Variants in NXPH1 observed in about 807,000 individuals in gnomAD.
The protein encoded by NXPH1 is neurexophilin-1.
NXPH1 carries 5 observed loss-of-function variants against 23.7 expected under a neutral mutation model. The ratio of observed to expected loss-of-function variants is 0.21; its 90% CI spans 0.11 to 0.44. The LOEUF (loss-of-function observed/expected upper bound fraction) is 0.44. Among genes scored for constraint, NXPH1 ranks in the 20% least tolerant of loss-of-function variants. The pLI, the probability that NXPH1 is intolerant of heterozygous loss-of-function variation, is 0.99. For synonymous variants in NXPH1, 144 were observed against 122.2 expected (o/e 1.18, Z -1.18); for missense variants, 324 against 321.6 (o/e 1.01, Z -0.06).
chr7:8,529,721 G>T (rs1012502420), intron 2 of NXPH1, among the ~76,000 whole-genome samples: 1 of 152,136 alleles, frequency 6.6e-6, no homozygotes, highest in African/African-American at 2.4e-5. Context: ...TGCAGATTAA[G>T]TGAGCTAGGG....
intron 2 of NXPH1, among the ~76,000 whole-genome samples, chr7:8,644,475 C>G (rs938760002): frequency 2.0e-5 from 3 of 152,110 alleles, no homozygotes; most frequent in African/African-American, 7.2e-5. Flanking sequence ...TTGATCGTCT[C>G]TTTATTCTCT....
At chr7:8,616,716 A>G (rs189107570) in intron 2 of NXPH1, among the ~76,000 whole-genome samples, 10 of 152,064 alleles carry the variant, frequency 6.6e-5, no homozygotes, top group Non-Finnish European at 1.2e-4. Flanking sequence ...ACTAAAAAAA[A>G]GTGTGGAATA....
intron 2 of NXPH1, among the ~76,000 whole-genome samples, chr7:8,734,621 C>T (rs752328267): frequency 1.3e-5 from 2 of 152,088 alleles, no homozygotes; most frequent in Non-Finnish European, 2.9e-5. Flanking sequence ...AGTATGTGGT[C>T]AATTTTAGAA....
At chr7:8,703,634 A>C (rs1779660602) in intron 2 of NXPH1, among the ~76,000 whole-genome samples, 1 of 152,050 alleles carries the variant, frequency 6.6e-6, no homozygotes, top group African/African-American at 2.4e-5. Context: ...TGCTGAAGCA[A>C]GTTGTTGGAG....
rs1001980405 is a variant in NXPH1, at chr7:8,751,910, G to A, written c.*141G>A. ...TGTCAACTGGCTGCAAAATACACTA[G>A]TGGAAAACACTCTGATGTAATTTCT... On this transcript the variant is annotated 3_prime_UTR_variant, in exon 3 of 3. Transcript: ENST00000405863. This position sits in a 1 kb window ranked among gnomAD's most constrained non-coding sequence, Gnocchi z 4.5. 3 of 718,042 alleles carry A rather than the reference G, an allele frequency of 4.2e-6. No individual in the cohort carries two copies. Among genetic ancestry groups the A allele is most frequent in the East Asian group, 2.7e-5 (1 of 36,750 alleles). 44.5% of individuals were successfully genotyped at this position (718,042 alleles called of 1,614,324 possible). A position where few individuals can be genotyped will look rare whatever the true frequency, so the allele number is the denominator to read the frequency against.
chr7:8,548,517 A>T (rs1818229509), intron 2 of NXPH1, among the ~76,000 whole-genome samples: 1 of 151,556 alleles, frequency 6.6e-6, no homozygotes, highest in Non-Finnish European at 1.5e-5. Flanking sequence ...AATGCTGGGT[A>T]ATAGAGAGAG....
intron 2 of NXPH1, among the ~76,000 whole-genome samples, chr7:8,465,110 A>T (rs1450322395): frequency 6.6e-6 from 1 of 152,232 alleles, no homozygotes; most frequent in Non-Finnish European, 1.5e-5. Context: ...GGACTTAGAA[A>T]GGACAACAGG....
chr7:8,448,770 G>T (rs1816451283), intron 2 of NXPH1, among the ~76,000 whole-genome samples: 1 of 143,146 alleles, frequency 7.0e-6, no homozygotes, highest in African/African-American at 2.6e-5. Context: ...AGCTGAGATT[G>T]TGCCACTGCA....
intron 2 of NXPH1, among the ~76,000 whole-genome samples, chr7:8,552,696 A>C (rs1818298652): frequency 6.6e-6 from 1 of 151,504 alleles, no homozygotes; most frequent in African/African-American, 2.4e-5. Context: ...AGGCACAGAA[A>C]AATACTCAGT....
intron 2 of NXPH1, among the ~76,000 whole-genome samples, chr7:8,581,687 C>T (rs1818876343): frequency 6.6e-6 from 1 of 152,132 alleles, no homozygotes; most frequent in Admixed American, 6.5e-5. Context: ...GAAAGAAACA[C>T]ACATATGAAA....
Position 8,500,604 on chromosome 7 carries a change from G to A in NXPH1, c.54+64837G>A, listed in dbSNP as rs59755082. ...TCCAAACACAAGACTCTTTTGTGAA[G>A]GGCACAGTATTATCTAGACTGCTCA... On this transcript the variant is annotated intron_variant, in intron 2 of 2. Coordinates refer to ENST00000405863, the MANE Select transcript of NXPH1 (RefSeq NM_152745.3). Among the ~76,000 whole-genome samples the A allele has an allele frequency of 2.2e-3, 334 of 152,160 alleles. 2 individuals carry two copies. Among genetic ancestry groups the A allele is most frequent in the African/African-American group, 7.7e-3 (322 of 41,560 alleles).
intron 2 of NXPH1, among the ~76,000 whole-genome samples, chr7:8,678,898 A>G (rs1820999255): frequency 2.6e-5 from 3 of 114,616 alleles, no homozygotes; most frequent in Non-Finnish European, 5.5e-5. Context: ...GTTTTGGTTC[A>G]CTTTTCTAGA....
At chr7:8,513,694 G>C (rs1421956991) in intron 2 of NXPH1, among the ~76,000 whole-genome samples, 1 of 152,100 alleles carries the variant, frequency 6.6e-6, no homozygotes, top group Non-Finnish European at 1.5e-5. Context: ...AAAAGGTAAG[G>C]AGGAGTCATC....
intron 2 of NXPH1, among the ~76,000 whole-genome samples, chr7:8,543,690 C>A (rs1197077815): frequency 2.0e-5 from 3 of 151,502 alleles, no homozygotes; most frequent in African/African-American, 7.3e-5. Context: ...AGTATCTAAT[C>A]CTTCTTTTAT....
At chr7:8,585,283 C>A (rs902092531) in intron 2 of NXPH1, among the ~76,000 whole-genome samples, 3 of 152,188 alleles carry the variant, frequency 2.0e-5, no homozygotes, top group Non-Finnish European at 2.9e-5. Flanking sequence ...CTGACAGGTG[C>A]CCAGCTCTGC....
intron 2 of NXPH1, among the ~76,000 whole-genome samples, chr7:8,565,447 G>C (rs1818524586): frequency 6.6e-6 from 1 of 151,688 alleles, no homozygotes; most frequent in African/African-American, 2.4e-5. Context: ...TCTGATTCAA[G>C]AGCTTATGCA....
chr7:8,748,567 T>A (rs537592587), intron 2 of NXPH1, among the ~76,000 whole-genome samples: 3 of 152,216 alleles, frequency 2.0e-5, no homozygotes, highest in African/African-American at 7.2e-5. Flanking sequence ...AGAGACTGAT[T>A]CTCCATTGGT....
chr7:8,693,509 T>G (rs919756128), intron 2 of NXPH1, among the ~76,000 whole-genome samples: 8 of 152,224 alleles, frequency 5.3e-5, no homozygotes, highest in African/African-American at 1.9e-4. Flanking sequence ...TAAGTGTCTT[T>G]GGCAAAAGAC....
At position 8,663,798 on chromosome 7, in the gene NXPH1, A is replaced by G. The variant is rs575075404; in HGVS notation, c.55-87210A>G. ...GAAATAATTGGGTTTCCAATGTCTGATAGTCTTAATTCATGGAGATAGCTT... is the reference window on the plus strand; with the variant it reads ...GAAATAATTGGGTTTCCAATGTCTGGTAGTCTTAATTCATGGAGATAGCTT... On this transcript the variant is annotated intron_variant, in intron 2 of 2. Transcript: ENST00000405863. Among the ~76,000 whole-genome samples the G allele has an allele frequency of 2.6e-5, 4 of 152,182 alleles. No homozygotes were observed. The South Asian group carries it at 8.3e-4, about 32-fold the overall frequency.
Sources: allele counts gnomAD v4.1 joint callset (sites outside exome capture counted in the v4.1 genomes callset), GRCh38; gene constraint gnomAD v4.1.1; non-coding constraint Gnocchi (gnomAD v3.1); transcripts MANE v1.5; gene names NCBI Gene and HGNC (gene_info 2026-07-23, HGNC 2026-07-21).